The following MTMR7 variants were observed in gnomAD, a reference collection of about 807,000 sequenced individuals.
MTMR7 encodes the protein phosphatidylinositol-3-phosphate phosphatase MTMR7.
In MTMR7, 76 loss-of-function variants were observed where a neutral mutation model predicts 81.2. That is an observed-to-expected ratio of 0.94 (90% CI 0.78 to 1.13). The LOEUF is 1.13. Ranked by LOEUF, MTMR7 falls within the 50% of genes most tolerant of loss-of-function variation. The pLI, the probability that MTMR7 is intolerant of heterozygous loss-of-function variation, is 0.00. For missense variants in MTMR7, 1,044 were observed against 820.0 expected, an observed-to-expected ratio of 1.27 and a Z score of -3.34; for synonymous variants, 372 against 289.8, an observed-to-expected ratio of 1.28 and a Z score of -2.88.
Position 17,298,770 on chromosome 8 carries a change from C to T in MTMR7, c.*1092G>A, listed in dbSNP as rs1179881790. The T allele has an allele frequency of 2.0e-5, 3 of 152,544 alleles. No homozygotes were observed. Among genetic ancestry groups the T allele is most frequent in the Non-Finnish European group, 4.4e-5 (3 of 67,996 alleles). 9.4% of individuals were successfully genotyped at this position (152,544 alleles called of 1,614,324 possible). On this transcript the variant is annotated 3_prime_UTR_variant, in exon 14 of 14. Transcript: ENST00000180173. ...GGTCACCTAGTGAAGTCTTTTTTAA[C>T]TCATAAGATAGGGGAGGGACTCTCC...
intron 6 of MTMR7, among the ~76,000 whole-genome samples, chr8:17,335,231 G>GC (rs1819197547): frequency 6.6e-6 from 1 of 152,098 alleles, no homozygotes; most frequent in Non-Finnish European, 1.5e-5. Context: ...TCCACGAGGG[G>GC]CCCTGAGTGT....
chr8:17,314,620 A>AC (rs1364530363), intron 7 of MTMR7, among the ~76,000 whole-genome samples: 1 of 152,216 alleles, frequency 6.6e-6, no homozygotes, highest in Non-Finnish European at 1.5e-5. Context: ...AGCCACACAC[A>AC]AAAAAGCACA....
chr8:17,339,981 C>T (rs1178111089), intron 6 of MTMR7, among the ~76,000 whole-genome samples: 1 of 152,188 alleles, frequency 6.6e-6, no homozygotes, highest in Non-Finnish European at 1.5e-5. Context: ...GATGGAGTTT[C>T]GCTCTTGTTG....
intron 4 of MTMR7, among the ~76,000 whole-genome samples, chr8:17,360,321 T>G (rs1585089072): frequency 6.6e-6 from 1 of 152,154 alleles, no homozygotes; most frequent in Admixed American, 6.5e-5. Context: ...CAGTTTTAGG[T>G]GATTTAATAC....
At chr8:17,382,579 C>G (rs1485335695) in intron 1 of MTMR7, among the ~76,000 whole-genome samples, 2 of 152,172 alleles carry the variant, frequency 1.3e-5, no homozygotes, top group African/African-American at 4.8e-5. Flanking sequence ...GTCCATCCAT[C>G]TTCTTTTCTT....
chr8:17,319,122 T>A (rs1052854984), intron 7 of MTMR7, among the ~76,000 whole-genome samples: 1 of 152,192 alleles, frequency 6.6e-6, no homozygotes, highest in Non-Finnish European at 1.5e-5. Flanking sequence ...GATATACGCA[T>A]GGGCAATAGC....
intron 6 of MTMR7, among the ~76,000 whole-genome samples, chr8:17,335,567 C>G (rs762412099): frequency 1.3e-5 from 2 of 152,166 alleles, no homozygotes; most frequent in Non-Finnish European, 2.9e-5. Context: ...GGGAAATGAC[C>G]GTACAAGCTG....
intron 1 of MTMR7, among the ~76,000 whole-genome samples, 153 bp downstream of exon 1, chr8:17,413,116 C>A (rs949706524): frequency 2.6e-5 from 4 of 152,184 alleles, no homozygotes; most frequent in Non-Finnish European, 5.9e-5. Context: ...GCAGGCACCC[C>A]GGGATGCTCA....
chr8:17,306,158 A>AG (rs1290739305), intron 10 of MTMR7, among the ~76,000 whole-genome samples: 4 of 152,200 alleles, frequency 2.6e-5, no homozygotes, highest in Non-Finnish European at 4.4e-5. Context: ...TCTGGATAGA[A>AG]GGGATGCGTT....
intron 1 of MTMR7, among the ~76,000 whole-genome samples, chr8:17,405,873 C>A (rs749013601): frequency 0.095 from 3,962 of 41,836 alleles, 64 homozygotes; most frequent in Admixed American, 0.19. Context: ...CACACACACA[C>A]ACACACCACA....
At position 17,299,788 on chromosome 8, in the gene MTMR7, A is replaced by AT. The variant is rs1816983934; in HGVS notation, c.*73dup. 6.4e-7 allele frequency: 1 copy of AT among 1,561,274 alleles called. No homozygotes were observed. The highest frequency in any genetic ancestry group is 8.7e-7 in the Non-Finnish European group (1 of 1,152,850). On this transcript the variant is annotated 3_prime_UTR_variant, in exon 14 of 14. Transcript: ENST00000180173. ...ACATGCACCATTTCCTGTTTTTACA[A>AT]TAAACCACCTTGTTCCCTTGTTTTT...
intron 4 of MTMR7, among the ~76,000 whole-genome samples, chr8:17,351,265 C>G (rs1819721237): frequency 1.3e-5 from 2 of 152,192 alleles, no homozygotes; most frequent in Non-Finnish European, 2.9e-5. Context: ...CAAGATTTGT[C>G]AACATGCTTA....
intron 9 of MTMR7, among the ~76,000 whole-genome samples, chr8:17,310,675 A>G (rs976177149): frequency 3.3e-5 from 5 of 152,160 alleles, no homozygotes; most frequent in Admixed American, 2.6e-4. Flanking sequence ...CCAAAAAAAG[A>G]AAAACATCCC....
intron 1 of MTMR7, among the ~76,000 whole-genome samples, chr8:17,406,115 A>T (rs1322770475): frequency 3.9e-5 from 6 of 152,192 alleles, no homozygotes; most frequent in Non-Finnish European, 8.8e-5. Flanking sequence ...CATAGATATG[A>T]CACAAAAAGC....
At chr8:17,407,458 T>G (rs2150588004) in intron 1 of MTMR7, among the ~76,000 whole-genome samples, 1 of 152,312 alleles carries the variant, frequency 6.6e-6, no homozygotes, top group African/African-American at 2.4e-5. Flanking sequence ...ACTATTCATC[T>G]TCTTTGACAC....
intron 7 of MTMR7, among the ~76,000 whole-genome samples, chr8:17,326,879 T>C (rs943253279): frequency 6.6e-6 from 1 of 152,112 alleles, no homozygotes; most frequent in Non-Finnish European, 1.5e-5. Flanking sequence ...CATGAGATAA[T>C]AAATATCATT....
intron 7 of MTMR7, among the ~76,000 whole-genome samples, chr8:17,328,409 C>T (rs372072055): frequency 7.2e-5 from 11 of 152,244 alleles, no homozygotes; most frequent in Admixed American, 2.0e-4. Flanking sequence ...GGCTCTTCTA[C>T]GGACTGTTTT....
At chr8:17,338,896 T>G (rs1246045933) in intron 6 of MTMR7, 2 of 151,972 alleles carry the variant, frequency 1.3e-5, no homozygotes, top group African/African-American at 4.8e-5. Flanking sequence ...CATCCGTGAG[T>G]AGTAACTCCA....
At chr8:17,307,888 G>A (rs1186473965) in intron 10 of MTMR7, among the ~76,000 whole-genome samples, 1 of 151,716 alleles carries the variant, frequency 6.6e-6, no homozygotes, top group Non-Finnish European at 1.5e-5. Context: ...GGACTGTTGT[G>A]GGGTGGCGGG....
Sources: allele counts gnomAD v4.1 joint callset (sites outside exome capture counted in the v4.1 genomes callset), GRCh38; gene constraint gnomAD v4.1.1; transcripts MANE v1.5; gene names NCBI Gene and HGNC (gene_info 2026-07-23, HGNC 2026-07-21).